Variants in FTO observed in about 807,000 individuals in gnomAD.
FTO encodes FTO alpha-ketoglutarate dependent dioxygenase.
Under a neutral mutation model 63.9 loss-of-function variants are expected in FTO, and 47 were observed. The observed-to-expected ratio is 0.74, with a 90% CI of 0.58 to 0.94. The LOEUF (loss-of-function observed/expected upper bound fraction) is 0.94, where lower values mean the gene tolerates loss of function less well. Ranked by LOEUF, FTO falls within the 40% of genes least tolerant of loss-of-function variation. The pLI, the probability that FTO is intolerant of heterozygous loss-of-function variation, is 0.00. For synonymous variants in FTO, 207 were observed against 224.4 expected (o/e 0.92, Z 0.69); for missense variants, 562 against 618.1 (o/e 0.91, Z 0.96).
chr16:53,913,164 C>T (rs1214742519), intron 7 of FTO, among the ~76,000 whole-genome samples: 1 of 152,120 alleles, frequency 6.6e-6, no homozygotes, highest in Non-Finnish European at 1.5e-5. Flanking sequence ...CATTTTTAGC[C>T]AGTTTTTATC....
Position 53,984,112 on chromosome 16 carries a change from AAC to A in FTO, c.1364+50007_1364+50008del, listed in dbSNP as rs745822273. 7.2e-5 allele frequency among the ~76,000 whole-genome samples: 11 copies of A among 152,192 alleles called. No homozygotes were observed. In the East Asian group the frequency reaches 1.9e-3, roughly 27 times the overall value. ...TGTGGCTTAAAACCCTATTGTGAAG[AAC>A]ACAGTTACTCTGAAATTGAGGGCAG... is the stretch of plus-strand genomic sequence containing the variant. On this transcript the variant is annotated intron_variant, in intron 8 of 8. Coordinates refer to ENST00000471389, the MANE Select transcript of FTO (RefSeq NM_001080432.3).
At chr16:53,882,986 T>C (rs564034455) in intron 6 of FTO, among the ~76,000 whole-genome samples, 1 of 152,276 alleles carries the variant, frequency 6.6e-6, no homozygotes, top group Admixed American at 6.5e-5. Flanking sequence ...ACTTTCTCTC[T>C]TATTAGTCCC....
chr16:53,879,739 A>C, intron 5 of FTO, 105 bp from the exon 6 acceptor site: 8 of 1,200,648 alleles, frequency 6.7e-6, no homozygotes, highest in East Asian at 2.5e-5. Flanking sequence ...CCATGGGGCA[A>C]CAGGTGAATT....
intron 5 of FTO, among the ~76,000 whole-genome samples, chr16:53,879,185 G>C (rs992297608): frequency 2.6e-5 from 4 of 152,052 alleles, no homozygotes; most frequent in African/African-American, 9.7e-5. Context: ...CCAGTTTTCA[G>C]ACTCAGTTCT....
chr16:53,771,053 T>C (rs10852521), intron 1 of FTO, among the ~76,000 whole-genome samples: 87,786 of 151,944 alleles, frequency 0.58, 26,187 homozygotes, highest in African/African-American at 0.73. Context: ...TAAAGGGACT[T>C]CGCTATAGGT....
intron 1 of FTO, among the ~76,000 whole-genome samples, 155 bp downstream of exon 1, chr16:53,704,384 T>G (rs1178047725): frequency 6.6e-6 from 1 of 152,200 alleles, no homozygotes; most frequent in Non-Finnish European, 1.5e-5. Flanking sequence ...TTAGAGGGGA[T>G]GTTACAAATT....
intron 8 of FTO, among the ~76,000 whole-genome samples, chr16:53,962,577 G>A (rs1403938053): frequency 6.6e-6 from 1 of 152,160 alleles, no homozygotes; most frequent in Non-Finnish European, 1.5e-5. Flanking sequence ...CCCAAATTTA[G>A]GGACAGTCCA....
intron 2 of FTO, among the ~76,000 whole-genome samples, chr16:53,811,788 T>C (rs775355884): frequency 6.6e-6 from 1 of 152,112 alleles, no homozygotes; most frequent in Non-Finnish European, 1.5e-5. Flanking sequence ...TCTGCTGACG[T>C]ACCTCCTTCT....
chr16:53,990,323 C>T (rs527393031), intron 8 of FTO, among the ~76,000 whole-genome samples: 2 of 152,206 alleles, frequency 1.3e-5, no homozygotes, highest in African/African-American at 2.4e-5. Flanking sequence ...GATTTTATCC[C>T]CATTTTATAG....
intron 1 of FTO, among the ~76,000 whole-genome samples, chr16:53,737,250 T>C (rs16952480): frequency 0.067 from 10,156 of 152,260 alleles, 1,094 homozygotes; most frequent in African/African-American, 0.23. Flanking sequence ...TGAATAAGTG[T>C]GTATATATCT....
At chr16:53,905,457 T>G (rs1367459517) in intron 7 of FTO, among the ~76,000 whole-genome samples, 1 of 152,164 alleles carries the variant, frequency 6.6e-6, no homozygotes, top group Non-Finnish European at 1.5e-5. Flanking sequence ...ATCTTTTGCA[T>G]TTTTGCTTTG....
intron 8 of FTO, chr16:53,937,355 C>A: frequency 2.5e-6 from 1 of 398,308 alleles, no homozygotes; most frequent in South Asian, 1.3e-4. Context: ...ATCCAGTCCC[C>A]TCTGCCTGAT....
At chr16:53,807,517 G>A (rs535344195) in intron 1 of FTO, among the ~76,000 whole-genome samples, 4 of 152,320 alleles carry the variant, frequency 2.6e-5, no homozygotes, top group African/African-American at 9.6e-5. Flanking sequence ...CAGGTCTGTT[G>A]CTGTTTCATC....
chr16:54,027,497 T>A (rs1599233283), intron 8 of FTO, among the ~76,000 whole-genome samples: 1 of 78,212 alleles, frequency 1.3e-5, no homozygotes, highest in Non-Finnish European at 2.6e-5. Context: ...TTTATTCCTT[T>A]TCTTAGGAAA....
chr16:53,850,121 C>G (rs2079745884), intron 4 of FTO, among the ~76,000 whole-genome samples: 1 of 152,134 alleles, frequency 6.6e-6, no homozygotes, highest in Non-Finnish European at 1.5e-5. Context: ...AATACAGAAA[C>G]CAGTAATAAA....
intron 8 of FTO, among the ~76,000 whole-genome samples, chr16:54,080,748 G>A (rs187216646): frequency 1.3e-5 from 2 of 152,308 alleles, no homozygotes. Context: ...GTCCTGTTAT[G>A]AAGAATTCTC....
intron 8 of FTO, among the ~76,000 whole-genome samples, chr16:53,985,551 T>C (rs754101362): frequency 7.2e-5 from 11 of 152,188 alleles, no homozygotes; most frequent in Admixed American, 1.3e-4. Flanking sequence ...TGTGTGTTTA[T>C]AAATAAAAGA....
At chr16:54,058,427 G>A (rs772333680) in intron 8 of FTO, among the ~76,000 whole-genome samples, 8 of 152,164 alleles carry the variant, frequency 5.3e-5, no homozygotes, top group Non-Finnish European at 1.2e-4. Flanking sequence ...CTGGCCGGAG[G>A]AGAAACTCCA....
intron 1 of FTO, among the ~76,000 whole-genome samples, chr16:53,768,818 A>G (rs2077267523): frequency 6.6e-6 from 1 of 152,278 alleles, no homozygotes. Flanking sequence ...AAAAATGTTC[A>G]CAACCACCCT....
Sources: gnomAD v4.1 joint callset for allele counts (sites outside exome capture counted in the v4.1 genomes callset) on GRCh38, gnomAD v4.1.1 for gene constraint, MANE v1.5 for transcripts, NCBI Gene and HGNC (gene_info 2026-07-23, HGNC 2026-07-21) for gene names.